The following BMP6 variants were observed in gnomAD, a reference collection of about 807,000 sequenced individuals.
BMP6 encodes bone morphogenetic protein 6, also known as VG-1-R.
A neutral mutation model predicts 54.1 loss-of-function variants in BMP6; 17 were observed. The ratio of observed to expected loss-of-function variants is 0.31; its 90% CI spans 0.22 to 0.47. The LOEUF (loss-of-function observed/expected upper bound fraction) is 0.47. BMP6 is among the 20% of genes least tolerant of loss of function. The probability of loss-of-function intolerance (pLI) is 1.00; values close to 1 mark genes in which losing one functional copy is unlikely to be tolerated. For missense variants in BMP6, 720 were observed against 690.4 expected (o/e 1.04, Z -0.48); for synonymous variants, 328 against 291.2 (o/e 1.13, Z -1.28).
intron 1 of BMP6, among the ~76,000 whole-genome samples, chr6:7,769,680 AAACAATTCTTGTTAC>A (rs1206653074): frequency 6.6e-6 from 1 of 152,178 alleles, no homozygotes; most frequent in Non-Finnish European, 1.5e-5. Flanking sequence ...CAATTTAGAA[AAACAATTCTTGTTAC>A]AATGTGCAAA....
Position 7,744,250 on chromosome 6 carries a change from G to A in BMP6, c.664+16631G>A, listed in dbSNP as rs113650297. ...GCTTGTAATCCCAGCACTTGGGGAG[G>A]CCGAGGGGGGCGGATCACCTGAGGT... On this transcript the variant is annotated intron_variant, in intron 1 of 6. Transcript: ENST00000283147. Among the ~76,000 whole-genome samples, 1,481 of 152,238 alleles carry A rather than the reference G, an allele frequency of 9.7e-3. 13 individuals are homozygous for A. The highest frequency in any genetic ancestry group is 0.016 in the Non-Finnish European group (1,121 of 68,026).
chr6:7,830,535 T>G (rs35300556), intron 1 of BMP6, among the ~76,000 whole-genome samples: 4,302 of 152,274 alleles, frequency 0.028, 69 homozygotes, highest in Middle Eastern at 0.037. Flanking sequence ...GAATGACCTC[T>G]GAGGAATCAA....
chr6:7,727,610 G>C lies in BMP6; in HGVS notation c.655G>C (p.Val219Leu). 2 of 1,554,436 alleles carry C rather than the reference G, an allele frequency of 1.3e-6. No individual in the cohort carries two copies. Among genetic ancestry groups the C allele is most frequent in the South Asian group, 1.2e-5 (1 of 84,474 alleles). Residue 219 changes from valine to leucine, a missense_variant, in exon 1 of 7, where the codon GTG becomes CTG. Around this residue, in one of 3 missense-constraint regions of BMP6, gnomAD observed 650 missense variants for 556.3 expected, o/e 1.17. Coordinates refer to ENST00000283147, the MANE Select transcript of BMP6 (RefSeq NM_001718.6). Reference sequence around the variant, plus strand: ...CGACGCGGACATGGTCATGAGCTTTGTGAACCTGGGTAAGGATTTGGGGTA... The same window carrying C: ...CGACGCGGACATGGTCATGAGCTTTCTGAACCTGGGTAAGGATTTGGGGTA... ...LNDADMVMSF[V>L]NLVEYDKEFS...
Position 7,727,413 on chromosome 6 carries a change from C to G in BMP6, c.458C>G (p.Ser153Trp), listed in dbSNP as rs1761753962. ...LSADNDEDGA[S>W]EGERQQSWPH... ...GCCGACAACGACGAGGACGGGGCGT[C>G]GGAGGGGGAGAGGCAGCAGTCCTGG... The change falls in exon 1 of 7, where the codon TCG (serine) becomes TGG (tryptophan). Residue 153 changes from serine to tryptophan, a missense_variant. Around this residue, in one of 3 missense-constraint regions of BMP6, gnomAD observed 650 missense variants for 556.3 expected, o/e 1.17. Coordinates refer to ENST00000283147, the MANE Select transcript of BMP6 (RefSeq NM_001718.6). The G allele has an allele frequency of 6.2e-7, 1 of 1,606,484 alleles. No individual in the cohort carries two copies. Among genetic ancestry groups the G allele is most frequent in the Admixed American group, 1.7e-5 (1 of 59,548 alleles).
At position 7,784,988 on chromosome 6, in the gene BMP6, G is replaced by A. The variant is rs560557699; in HGVS notation, c.664+57369G>A. 9.2e-5 allele frequency among the ~76,000 whole-genome samples: 14 copies of A among 152,334 alleles called. No individual in the cohort carries two copies. In the South Asian group the frequency reaches 2.9e-3, roughly 32 times the overall value. On this transcript the variant is annotated intron_variant, in intron 1 of 6. Coordinates refer to ENST00000283147, the MANE Select transcript of BMP6 (RefSeq NM_001718.6). ...TAGAACTTTTCCCATTTGGCAAGGG[G>A]TAACCAATGCTTGCAAACCAAGAAG...
chr6:7,855,553 CTTTTTTTTTT>C (rs778898901), intron 2 of BMP6, among the ~76,000 whole-genome samples: 3 of 105,052 alleles, frequency 2.9e-5, no homozygotes, highest in South Asian at 3.6e-4. Flanking sequence ...CTCTCTCTCT[CTTTTTTTTTT>C]TTTTTTTTTT....
chr6:7,813,111 AT>A (rs1561780022), intron 1 of BMP6, among the ~76,000 whole-genome samples: 53 of 40,194 alleles, frequency 1.3e-3, no homozygotes, highest in African/African-American at 1.8e-3. Flanking sequence ...AAAAAAAAAT[AT>A]ATATATATAT....
Position 7,880,738 on chromosome 6 carries a change from G to A in BMP6, c.*395G>A. 1 of 270,414 alleles carries A rather than the reference G, an allele frequency of 3.7e-6. No individual in the cohort carries two copies. Among genetic ancestry groups the A allele is most frequent in the Admixed American group, 4.8e-5 (1 of 20,810 alleles). The allele number at this position is 270,414 out of a possible 1,614,324, so 16.8% of individuals were successfully genotyped here. A position where few individuals can be genotyped will look rare whatever the true frequency, so the allele number is the denominator to read the frequency against. On this transcript the variant is annotated 3_prime_UTR_variant, in exon 7 of 7. Transcript: ENST00000283147. ...GGAGTTAAATGTATTCTTGGCTAAA[G>A]GATCAGCTGGTTCAGTACTGTCTAT...
chr6:7,827,713 T>C (rs1303390456), intron 1 of BMP6, among the ~76,000 whole-genome samples: 1 of 152,244 alleles, frequency 6.6e-6, no homozygotes, highest in Non-Finnish European at 1.5e-5. Context: ...TGTGTTTTTC[T>C]TGCCCCACTT....
intron 1 of BMP6, among the ~76,000 whole-genome samples, chr6:7,827,853 G>A (rs562513014): frequency 6.6e-6 from 1 of 152,252 alleles, no homozygotes; most frequent in African/African-American, 2.4e-5. Context: ...CGTCATCTGT[G>A]AGTAAAAGCA....
chr6:7,778,295 A>G (rs758463067), intron 1 of BMP6, among the ~76,000 whole-genome samples: 1 of 152,252 alleles, frequency 6.6e-6, no homozygotes, highest in Non-Finnish European at 1.5e-5. Flanking sequence ...GCTCACATGT[A>G]TTGAGGGTAC....
chr6:7,843,246 T>G (rs1759004904), intron 1 of BMP6, among the ~76,000 whole-genome samples: 2 of 151,474 alleles, frequency 1.3e-5, no homozygotes, highest in Admixed American at 1.3e-4. Flanking sequence ...AGCCAAAGCT[T>G]ATTCTTTTTT....
At chr6:7,728,444 G>A (rs1018059622) in intron 1 of BMP6, among the ~76,000 whole-genome samples, 2 of 152,162 alleles carry the variant, frequency 1.3e-5, no homozygotes, top group African/African-American at 2.4e-5. Flanking sequence ...ATTCACGGGC[G>A]GCTAAATGGA....
intron 1 of BMP6, among the ~76,000 whole-genome samples, chr6:7,809,937 A>G (rs537483602): frequency 9.9e-6 from 1 of 100,574 alleles, no homozygotes; most frequent in East Asian, 4.4e-4. Flanking sequence ...AATCTCTTGT[A>G]CAAAGAGACC....
intron 1 of BMP6, among the ~76,000 whole-genome samples, chr6:7,806,541 TTC>T (rs1758349389): frequency 6.6e-6 from 1 of 152,216 alleles, no homozygotes; most frequent in African/African-American, 2.4e-5. Flanking sequence ...TATTGATGGT[TTC>T]TCTGATTCTA....
At chr6:7,821,082 C>T (rs528357664) in intron 1 of BMP6, among the ~76,000 whole-genome samples, 162 of 152,372 alleles carry the variant, frequency 1.1e-3, no homozygotes, top group African/African-American at 3.7e-3. Context: ...GGGGACCCCT[C>T]TTCTATGGGA....
chr6:7,784,436 TGAGTGTGTGTAGGCATC>T (rs988356932), intron 1 of BMP6, among the ~76,000 whole-genome samples: 1 of 98,974 alleles, frequency 1.0e-5, no homozygotes, highest in African/African-American at 5.0e-5. Context: ...TGTAGGCGTC[TGAGTGTGTGTAGGCATC>T]TGAGTGTGTG....
intron 1 of BMP6, among the ~76,000 whole-genome samples, chr6:7,772,640 C>G (rs1757806450): frequency 6.6e-6 from 1 of 152,166 alleles, no homozygotes; most frequent in South Asian, 2.1e-4. Flanking sequence ...TAACCAAGAG[C>G]TGGTTAGGCA....
At chr6:7,751,183 A>G (rs182028180) in intron 1 of BMP6, among the ~76,000 whole-genome samples, 2 of 152,364 alleles carry the variant, frequency 1.3e-5, no homozygotes, top group African/African-American at 4.8e-5. Flanking sequence ...TACTCGCTCT[A>G]CTACCTGCAA....
Sources: allele counts gnomAD v4.1 joint callset (sites outside exome capture counted in the v4.1 genomes callset), GRCh38; gene constraint gnomAD v4.1.1; regional missense constraint gnomAD v4.1.1; transcripts MANE v1.5; gene names NCBI Gene and HGNC (gene_info 2026-07-23, HGNC 2026-07-21).